CEP120: variants seen among roughly 807,000 people sequenced by gnomAD.
CEP120 encodes centrosomal protein of 120 kDa.
A neutral mutation model predicts 126.5 loss-of-function variants in CEP120; 113 were observed. The observed-to-expected ratio is 0.89, with a 90% CI of 0.77 to 1.04. CEP120 has a LOEUF of 1.04. Among genes scored for constraint, CEP120 ranks in the 50% least tolerant of loss-of-function variants. CEP120 has a pLI of 0.00. For missense variants in CEP120, 1,230 were observed against 1,155.7 expected, an observed-to-expected ratio of 1.06 and a Z score of -0.93; for synonymous variants, 400 against 394.3, an observed-to-expected ratio of 1.01 and a Z score of -0.17.
Position 123,350,068 on chromosome 5 carries a change from C to T in CEP120, c.2602G>A (p.Ala868Thr). ...LKQREQESQM[A>T]RLKKQQEELE... The stretch of plus-strand genomic sequence containing the variant: ...TCTTCCTGCTGTTTTTTAAGACGAG[C>T]CATTTGACTTTCTTGCTCCCTCTTG... The change falls in exon 19 of 20, where the codon GCT (alanine) becomes ACT (threonine). Residue 868 changes from alanine to threonine, a missense_variant. Coordinates refer to ENST00000306467, the MANE Select transcript of CEP120 (RefSeq NM_001375405.1). 9 of 1,612,040 alleles carry T rather than the reference C, an allele frequency of 5.6e-6. No homozygotes were observed. Among genetic ancestry groups the T allele is most frequent in the Non-Finnish European group, 7.6e-6 (9 of 1,179,394 alleles).
At chr5:123,392,178 A>T (rs550427620) in intron 6 of CEP120, among the ~76,000 whole-genome samples, 1 of 152,350 alleles carries the variant, frequency 6.6e-6, no homozygotes, top group Non-Finnish European at 1.5e-5. Flanking sequence ...GCTGGAAAAA[A>T]AAGTATTTTT....
At chr5:123,414,971 C>CA (rs56756568) in intron 3 of CEP120, among the ~76,000 whole-genome samples, 438 of 40,668 alleles carry the variant, frequency 0.011, 82 homozygotes, top group Non-Finnish European at 0.013. Flanking sequence ...GACTCCATCT[C>CA]AAAAAAAAAA....
At position 123,423,042 on chromosome 5, in the gene CEP120, T is replaced by C. The variant is rs762658912; in HGVS notation, c.-44A>G. On this transcript the variant is annotated 5_prime_UTR_variant, in exon 1 of 20. Transcript: ENST00000306467. ...GGGGGCGAAGGCGGCTGGGGGGAAG[T>C]GAGGTCCAGTTGAGTCGCGGGTAAT... The C allele has an allele frequency of 4.5e-6, 7 of 1,560,392 alleles. No individual in the cohort carries two copies. The South Asian group carries it at 6.7e-5, about 15-fold the overall frequency.
chr5:123,409,240 A>AT (rs1773883884), intron 4 of CEP120, among the ~76,000 whole-genome samples: 1 of 152,232 alleles, frequency 6.6e-6, no homozygotes, highest in Non-Finnish European at 1.5e-5. Context: ...TCTATTAATG[A>AT]TAAAAACTCT....
At chr5:123,407,455 C>T (rs528956623) in intron 4 of CEP120, among the ~76,000 whole-genome samples, 1 of 152,092 alleles carries the variant, frequency 6.6e-6, no homozygotes, top group Admixed American at 6.5e-5. Context: ...TCAGACAGAA[C>T]AGACTTCAGA....
At chr5:123,402,995 G>T (rs1773370288) in intron 4 of CEP120, among the ~76,000 whole-genome samples, 1 of 152,208 alleles carries the variant, frequency 6.6e-6, no homozygotes, top group Non-Finnish European at 1.5e-5. Context: ...CCTTGATCTT[G>T]AACTTCCCAG....
intron 17 of CEP120, among the ~76,000 whole-genome samples, chr5:123,365,712 T>C (rs1323620522): frequency 2.6e-5 from 4 of 151,648 alleles, no homozygotes; most frequent in Non-Finnish European, 5.9e-5. Context: ...CTTCTACTTA[T>C]GCCCCAAAGA....
rs1771942787 is a variant in CEP120 at position 123,385,263 on chromosome 5, T to A, written c.1581-130A>T. ...TTACCTGGAATGTCGTCTAACACAA[T>A]TGTTAGACTGAATGCTAAATTTCAC... On this transcript the variant is annotated intron_variant, in intron 10 of 19. Coordinates refer to ENST00000306467, the MANE Select transcript of CEP120 (RefSeq NM_001375405.1). The A allele has an allele frequency of 5.0e-6, 3 of 605,748 alleles. No individual in the cohort carries two copies. In the East Asian group the frequency reaches 9.1e-5, roughly 18 times the overall value. 37.5% of individuals were successfully genotyped at this position (605,748 alleles called of 1,614,324 possible).
rs917797920 is a variant in CEP120, at chr5:123,364,415, A to G, written c.2580+81T>C. The G allele has an allele frequency of 1.0e-5, 8 of 795,574 alleles. No homozygotes were observed. The African/African-American group carries it at 1.0e-4, about 10-fold the overall frequency. The allele number at this position is 795,574 out of a possible 1,614,324, so 49.3% of individuals were successfully genotyped here. On this transcript the variant is annotated intron_variant, in intron 18 of 19. Transcript: ENST00000306467. ...AATATTCAAATGCAGACATCAGAGCATAACAGATATTGCCAAACATACGAA... is the reference window on the plus strand; with the variant it reads ...AATATTCAAATGCAGACATCAGAGCGTAACAGATATTGCCAAACATACGAA...
At chr5:123,379,109 G>C (rs1165917292) in intron 14 of CEP120, among the ~76,000 whole-genome samples, 1 of 152,078 alleles carries the variant, frequency 6.6e-6, no homozygotes, top group Non-Finnish European at 1.5e-5. Flanking sequence ...GTAAGGATGA[G>C]GAAGGATTGT....
intron 4 of CEP120, chr5:123,402,111 A>T: frequency 1.2e-5 from 19 of 1,576,840 alleles, no homozygotes; most frequent in Non-Finnish European, 1.7e-5. Context: ...GTCCACCTCC[A>T]GGACAAGGGG....
intron 4 of CEP120, among the ~76,000 whole-genome samples, chr5:123,408,362 A>C (rs1317486848): frequency 1.3e-5 from 2 of 151,946 alleles, no homozygotes; most frequent in African/African-American, 4.8e-5. Flanking sequence ...AAAATCAATA[A>C]GCCTCCAGCC....
intron 3 of CEP120, among the ~76,000 whole-genome samples, chr5:123,414,187 T>G (rs1338651429): frequency 6.6e-6 from 1 of 152,152 alleles, no homozygotes; most frequent in Non-Finnish European, 1.5e-5. Context: ...TCTCTGCAAC[T>G]AAACTGACTG....
chr5:123,402,526 C>T (rs1773329985), intron 4 of CEP120, among the ~76,000 whole-genome samples: 1 of 152,144 alleles, frequency 6.6e-6, no homozygotes, highest in Non-Finnish European at 1.5e-5. Flanking sequence ...ATTCTGCTGC[C>T]TCCGCCTCCT....
intron 16 of CEP120, among the ~76,000 whole-genome samples, chr5:123,376,484 G>C (rs573917739): frequency 2.0e-5 from 3 of 152,114 alleles, no homozygotes; most frequent in Admixed American, 1.3e-4. Flanking sequence ...CAATGATTCT[G>C]ATCTTTTTCC....
At chr5:123,399,341 G>T in intron 4 of CEP120, 57 bp from the exon 5 acceptor site, 1 of 1,516,768 alleles carries the variant, frequency 6.6e-7, no homozygotes, top group South Asian at 1.2e-5. Flanking sequence ...ACCATTATAA[G>T]ATTTTTAAAA....
chr5:123,378,567 T>A, intron 14 of CEP120, 139 bp from the exon 15 acceptor site: 1 of 489,322 alleles, frequency 2.0e-6, no homozygotes, highest in Non-Finnish European at 3.5e-6. Flanking sequence ...CATCCGCCAA[T>A]TCAAAGAAAA....
intron 10 of CEP120, among the ~76,000 whole-genome samples, chr5:123,385,752 G>C (rs1771977279): frequency 6.6e-6 from 1 of 151,932 alleles, no homozygotes; most frequent in Non-Finnish European, 1.5e-5. Context: ...AAGTAGCTGG[G>C]ACTGCAGGTG....
chr5:123,402,188 G>A lies in CEP120; in HGVS notation c.464-2904C>T, dbSNP rs1412553402. ...CCATGCCGCTGGCCCCACCACAGCCGCCGCCCAGGCCACCCCGAAAGCAGC... is the reference window on the plus strand; with the variant it reads ...CCATGCCGCTGGCCCCACCACAGCCACCGCCCAGGCCACCCCGAAAGCAGC... On this transcript the variant is annotated intron_variant, in intron 4 of 19. Transcript: ENST00000306467. 179 of 1,566,660 alleles carry A rather than the reference G, an allele frequency of 1.1e-4. No homozygotes were observed. In the East Asian group the frequency reaches 1.5e-3, roughly 13 times the overall value.
Sources: allele counts gnomAD v4.1 joint callset (sites outside exome capture counted in the v4.1 genomes callset), GRCh38; gene constraint gnomAD v4.1.1; transcripts MANE v1.5; gene names NCBI Gene and HGNC (gene_info 2026-07-23, HGNC 2026-07-21).